The following CCDC57 variants were observed in gnomAD, a reference collection of about 807,000 sequenced individuals.
CCDC57 encodes coiled-coil domain-containing protein 57.
Under a neutral mutation model 118.9 loss-of-function variants are expected in CCDC57, and 118 were observed. The observed-to-expected ratio is 0.99, with a 90% confidence interval of 0.86 to 1.16. CCDC57 has a LOEUF of 1.16. Among genes scored for constraint, CCDC57 ranks in the 50% most tolerant of loss-of-function variants. The pLI is 0.00. For missense variants in CCDC57, 1,300 were observed against 1,320.7 expected, an observed-to-expected ratio of 0.98 and a Z score of 0.24; for synonymous variants, 527 against 532.9, an observed-to-expected ratio of 0.99 and a Z score of 0.15.
rs563901893 is a variant in CCDC57, at chr17:82,114,328, A to G, written c.2900-12462T>C. ...GGTGGGGGCCAGAGGCAGCATGGGGACTTCTGGCTGGGTGAGGGGGGAGGG... is the reference window on the plus strand; with the variant it reads ...GGTGGGGGCCAGAGGCAGCATGGGGGCTTCTGGCTGGGTGAGGGGGGAGGG... On this transcript the variant is annotated intron_variant, in intron 19 of 19. Coordinates refer to ENST00000665763, the Ensembl canonical transcript of CCDC57. Among the ~76,000 whole-genome samples, 679 of 151,820 alleles carry G rather than the reference A, an allele frequency of 4.5e-3. 1 individual carries two copies. The highest frequency in any genetic ancestry group is 6.7e-3 in the Non-Finnish European group (455 of 67,908).
intron 16 of CCDC57, among the ~76,000 whole-genome samples, chr17:82,140,366 G>A (rs545253154): frequency 5.9e-5 from 9 of 152,022 alleles, no homozygotes; most frequent in Non-Finnish European, 1.2e-4. Flanking sequence ...GATTACAGGC[G>A]TGAGCCACCA....
intron 11 of CCDC57, among the ~76,000 whole-genome samples, chr17:82,178,219 T>TCACATGAA (rs1489917911): frequency 6.6e-6 from 1 of 152,136 alleles, no homozygotes; most frequent in Non-Finnish European, 1.5e-5. Context: ...AAGAACAAAC[T>TCACATGAA]CACATGAACG....
exon 16 of CCDC57, chr17:82,151,752 T>C (rs969007037): frequency 2.1e-5 from 32 of 1,550,048 alleles, no homozygotes; most frequent in Admixed American, 1.8e-4. Flanking sequence ...TCGGCCTCCA[T>C]AGGCCCTCTC....
chr17:82,180,351 C>T (rs1226326939), intron 9 of CCDC57, among the ~76,000 whole-genome samples: 6 of 152,210 alleles, frequency 3.9e-5, no homozygotes, highest in South Asian at 2.1e-4. Context: ...GACCCTGAGC[C>T]GGGAATGGCT....
intron 3 of CCDC57, 127 bp from the exon 3 acceptor site, chr17:82,198,549 C>T: frequency 1.6e-6 from 1 of 638,154 alleles, no homozygotes; most frequent in Non-Finnish European, 2.7e-6. Flanking sequence ...TTCAGCAGGA[C>T]CCACGGGGTA....
At chr17:82,122,604 C>A (rs2036874169) in intron 19 of CCDC57, among the ~76,000 whole-genome samples, 1 of 152,256 alleles carries the variant, frequency 6.6e-6, no homozygotes, top group Non-Finnish European at 1.5e-5. Context: ...AGCCCTTGGT[C>A]TCTGACCCAG....
chr17:82,102,900 CA>C (rs1237887329), intron 19 of CCDC57, among the ~76,000 whole-genome samples: 2,330 of 146,744 alleles, frequency 0.016, 67 homozygotes, highest in African/African-American at 0.056. Context: ...AAAAAAAAAA[CA>C]AAAAAAACCC....
At chr17:82,177,284 G>A (rs2045643248) in intron 11 of CCDC57, among the ~76,000 whole-genome samples, 1 of 152,068 alleles carries the variant, frequency 6.6e-6, no homozygotes, top group Non-Finnish European at 1.5e-5. Context: ...GCTGAGGCAG[G>A]AGAATCACTT....
chr17:82,152,879 G>T (rs569368394), intron 15 of CCDC57, among the ~76,000 whole-genome samples: 1 of 152,348 alleles, frequency 6.6e-6, no homozygotes, highest in African/African-American at 2.4e-5. Flanking sequence ...TGTGCCGCAG[G>T]TTCATGTGGG....
At chr17:82,110,998 A>C (rs1286430498) in intron 19 of CCDC57, among the ~76,000 whole-genome samples, 2 of 152,010 alleles carry the variant, frequency 1.3e-5, no homozygotes, top group African/African-American at 4.8e-5. Flanking sequence ...AGAAAAGAAA[A>C]AAGAGCATAT....
chr17:82,119,831 G>A (rs892835148), intron 19 of CCDC57, among the ~76,000 whole-genome samples: 5 of 152,136 alleles, frequency 3.3e-5, no homozygotes, highest in East Asian at 1.9e-4. Flanking sequence ...TCATAAAAAC[G>A]CAGGTGAGAG....
At chr17:82,180,985 G>A (rs1016944388) in intron 9 of CCDC57, among the ~76,000 whole-genome samples, 2 of 152,220 alleles carry the variant, frequency 1.3e-5, no homozygotes, top group Non-Finnish European at 1.5e-5. Flanking sequence ...GGGCCCACTC[G>A]CCGCCCGGCT....
intron 8 of CCDC57, among the ~76,000 whole-genome samples, chr17:82,187,344 T>TA (rs1242061153): frequency 5.4e-5 from 8 of 149,530 alleles, no homozygotes; most frequent in African/African-American, 2.0e-4. Flanking sequence ...TACCACAATT[T>TA]AAAAATTCAG....
chr17:82,163,146 C>T (rs1032200708), intron 14 of CCDC57, 54 bp downstream of exon 13: 5 of 1,591,308 alleles, frequency 3.1e-6, no homozygotes, highest in Non-Finnish European at 3.4e-6. Context: ...CCCACGCGCT[C>T]TCCCCCAGCA....
At chr17:82,186,806 G>A (rs1204829071) in intron 8 of CCDC57, among the ~76,000 whole-genome samples, 1 of 152,122 alleles carries the variant, frequency 6.6e-6, no homozygotes, top group Non-Finnish European at 1.5e-5. Flanking sequence ...GCTGAGCATG[G>A]TGGTGCACAC....
intron 19 of CCDC57, among the ~76,000 whole-genome samples, chr17:82,121,250 C>T (rs1271670866): frequency 6.6e-6 from 1 of 152,138 alleles, no homozygotes; most frequent in East Asian, 1.9e-4. Flanking sequence ...AAATAAATAC[C>T]AGCCACCCTG....
chr17:82,212,216 C>G lies in CCDC57; in HGVS notation c.-211+569G>C, dbSNP rs181180114. Among the ~76,000 whole-genome samples, 82 of 152,196 alleles carry G rather than the reference C, an allele frequency of 5.4e-4. 1 individual carries two copies. Among genetic ancestry groups the G allele is most frequent in the Non-Finnish European group, 5.9e-5 (4 of 68,018 alleles). On this transcript the variant is annotated intron_variant, in intron 1 of 19. Coordinates refer to ENST00000665763, the Ensembl canonical transcript of CCDC57. This position sits in a 1 kb window ranked among gnomAD's most constrained non-coding sequence, Gnocchi z 4.1. ...TCTCCTGCTTCAGCCTCCGGAGTAG[C>G]TGGGATTACAGGCGTGCACCACCAC...
intron 19 of CCDC57, among the ~76,000 whole-genome samples, chr17:82,110,762 C>G (rs368498645): frequency 6.6e-6 from 1 of 152,116 alleles, no homozygotes; most frequent in Non-Finnish European, 1.5e-5. Context: ...CGGTGGCTCG[C>G]GCCTGTAATC....
At chr17:82,200,599 C>T (rs2048877854) in intron 3 of CCDC57, among the ~76,000 whole-genome samples, 1 of 151,916 alleles carries the variant, frequency 6.6e-6, no homozygotes, top group Non-Finnish European at 1.5e-5. Context: ...GCCTGGGCAA[C>T]ATGGCAAAAC....
Sources: gnomAD v4.1 joint callset for allele counts (sites outside exome capture counted in the v4.1 genomes callset) on GRCh38, gnomAD v4.1.1 for gene constraint, Gnocchi (gnomAD v3.1) non-coding constraint, MANE v1.5 for transcripts, NCBI Gene and HGNC (gene_info 2026-07-23, HGNC 2026-07-21) for gene names.